Variants in SGCZ observed in about 807,000 individuals in gnomAD.
SGCZ encodes the protein sarcoglycan zeta, also known as zeta-sarcoglycan.
Under a neutral mutation model 41.3 loss-of-function variants are expected in SGCZ, and 40 were observed. The ratio of observed to expected loss-of-function variants is 0.97; its 90% CI spans 0.75 to 1.26. The LOEUF is 1.26. Among genes scored for constraint, SGCZ ranks in the 50% most tolerant of loss-of-function variants. SGCZ has a pLI of 0.00. For missense variants in SGCZ, 552 were observed against 369.8 expected (o/e 1.49, Z -4.04); for synonymous variants, 206 against 137.5 (o/e 1.50, Z -3.49).
intron 1 of SGCZ, among the ~76,000 whole-genome samples, chr8:15,211,354 C>A (rs186624587): frequency 6.6e-6 from 1 of 151,858 alleles, no homozygotes; most frequent in African/African-American, 2.4e-5. Flanking sequence ...GACTCCTTTA[C>A]CTTTCCCAAT....
At position 14,088,815 on chromosome 8, in the gene SGCZ, C is replaced by G. The variant is rs1340870161; in HGVS notation, c.*1628G>C. On this transcript the variant is annotated 3_prime_UTR_variant, in exon 8 of 8. Coordinates refer to ENST00000382080, the MANE Select transcript of SGCZ (RefSeq NM_139167.4). ...TTTTCTTCTTGCATTGCCAATATTT[C>G]TACTTTCACTAACCACATCTTTTGC... 1.3e-5 allele frequency among the ~76,000 whole-genome samples: 2 copies of G among 151,840 alleles called. No homozygotes were observed.
intron 3 of SGCZ, among the ~76,000 whole-genome samples, chr8:14,249,354 G>A (rs1030438062): frequency 1.7e-4 from 26 of 152,062 alleles, no homozygotes; most frequent in African/African-American, 5.8e-4. Flanking sequence ...TCTCCAACTG[G>A]CTAACTACAG....
At chr8:14,799,858 T>G (rs542627974) in intron 1 of SGCZ, among the ~76,000 whole-genome samples, 2 of 152,248 alleles carry the variant, frequency 1.3e-5, no homozygotes, top group African/African-American at 4.8e-5. Context: ...TAGCTAAGCA[T>G]TGGCTTCTTT....
At chr8:14,268,327 G>A (rs140352665) in intron 3 of SGCZ, among the ~76,000 whole-genome samples, 1,849 of 148,906 alleles carry the variant, frequency 0.012, 35 homozygotes, top group African/African-American at 0.043. Flanking sequence ...GCAAATCAAT[G>A]ATAACATTTA....
chr8:14,346,799 T>C (rs1802904596), intron 2 of SGCZ, among the ~76,000 whole-genome samples: 1 of 152,108 alleles, frequency 6.6e-6, no homozygotes, highest in Non-Finnish European at 1.5e-5. Context: ...TATCCTTCTC[T>C]GTGATACATA....
chr8:14,651,761 T>G (rs1029204715), intron 1 of SGCZ, among the ~76,000 whole-genome samples: 1 of 152,062 alleles, frequency 6.6e-6, no homozygotes, highest in Admixed American at 6.6e-5. Context: ...AAATATTGTG[T>G]TTCTACCCCA....
At chr8:15,214,026 C>G (rs562219249) in intron 1 of SGCZ, among the ~76,000 whole-genome samples, 104 of 151,918 alleles carry the variant, frequency 6.8e-4, no homozygotes, top group Non-Finnish European at 1.4e-3. Context: ...AAATGCATTC[C>G]TATTTCATTA....
intron 1 of SGCZ, among the ~76,000 whole-genome samples, chr8:14,672,136 C>A (rs376326592): frequency 6.6e-6 from 1 of 152,118 alleles, no homozygotes; most frequent in Admixed American, 6.6e-5. Context: ...CTGTGAGGTT[C>A]TCTTTGCCTT....
intron 2 of SGCZ, among the ~76,000 whole-genome samples, chr8:14,349,531 G>C (rs537784396): frequency 3.5e-4 from 54 of 152,198 alleles, no homozygotes; most frequent in Admixed American, 3.0e-3. Flanking sequence ...TTTTTAAGAA[G>C]CATATGTGTC....
chr8:14,275,992 C>T (rs1177238318), intron 3 of SGCZ, among the ~76,000 whole-genome samples: 1 of 152,202 alleles, frequency 6.6e-6, no homozygotes, highest in Non-Finnish European at 1.5e-5. Context: ...CACAGTGTCT[C>T]CCAAGTCCTA....
intron 1 of SGCZ, among the ~76,000 whole-genome samples, chr8:14,738,629 A>G (rs1799115548): frequency 6.6e-6 from 1 of 152,076 alleles, no homozygotes; most frequent in Admixed American, 6.6e-5. Context: ...AGCAGTTTAC[A>G]TGACTTTCTA....
At chr8:14,252,628 C>G (rs919906727) in intron 3 of SGCZ, among the ~76,000 whole-genome samples, 1 of 152,056 alleles carries the variant, frequency 6.6e-6, no homozygotes, top group Admixed American at 6.6e-5. Flanking sequence ...TTGTATTGTA[C>G]CTGCTAAGTC....
At chr8:14,125,116 A>G (rs893471357) in intron 5 of SGCZ, among the ~76,000 whole-genome samples, 15 of 152,234 alleles carry the variant, frequency 9.9e-5, no homozygotes, top group Admixed American at 1.3e-4. Flanking sequence ...AAGGAGAACT[A>G]CAAACCACTG....
chr8:14,265,951 G>T (rs1452575607), intron 3 of SGCZ, among the ~76,000 whole-genome samples: 1 of 151,806 alleles, frequency 6.6e-6, no homozygotes, highest in Non-Finnish European at 1.5e-5. Flanking sequence ...GAATGAAAAG[G>T]AACAAAGAAA....
At chr8:14,228,966 G>C (rs566276866) in intron 4 of SGCZ, among the ~76,000 whole-genome samples, 1 of 152,216 alleles carries the variant, frequency 6.6e-6, no homozygotes, top group Non-Finnish European at 1.5e-5. Flanking sequence ...CCACAGCACA[G>C]AGCACTGTTA....
chr8:14,540,983 C>T (rs1032094994), intron 2 of SGCZ, among the ~76,000 whole-genome samples: 1 of 150,226 alleles, frequency 6.7e-6, no homozygotes, highest in Non-Finnish European at 1.5e-5. Context: ...TGTTAATGTT[C>T]TTATGTATAT....
intron 1 of SGCZ, among the ~76,000 whole-genome samples, chr8:14,918,032 G>T (rs1418123459): frequency 6.6e-6 from 1 of 151,958 alleles, no homozygotes; most frequent in East Asian, 1.9e-4. Flanking sequence ...ATGCCCTCTT[G>T]GCAAGTATAG....
intron 4 of SGCZ, among the ~76,000 whole-genome samples, chr8:14,227,244 AT>A (rs1806404606): frequency 6.6e-6 from 1 of 152,102 alleles, no homozygotes; most frequent in Admixed American, 6.6e-5. Context: ...GGCAAAAAAA[AT>A]GTAAGAATGC....
chr8:14,555,943 A>T (rs936417195), intron 1 of SGCZ, among the ~76,000 whole-genome samples: 1 of 152,096 alleles, frequency 6.6e-6, no homozygotes, highest in African/African-American at 2.4e-5. Flanking sequence ...AACACTATAT[A>T]TTATACCATA....
Sources: gnomAD v4.1 joint callset for allele counts (sites outside exome capture counted in the v4.1 genomes callset) on GRCh38, gnomAD v4.1.1 for gene constraint, MANE v1.5 for transcripts, NCBI Gene and HGNC (gene_info 2026-07-23, HGNC 2026-07-21) for gene names.